The following GPC6 variants were observed in gnomAD, a reference collection of about 807,000 sequenced individuals.
GPC6 encodes glypican 6.
A neutral mutation model predicts 55.2 loss-of-function variants in GPC6; 14 were observed. The observed-to-expected ratio is 0.25, with a 90% CI of 0.17 to 0.40. The LOEUF (loss-of-function observed/expected upper bound fraction) is 0.40, where lower values mean the gene tolerates loss of function less well. Among genes scored for constraint, GPC6 ranks in the 10% least tolerant of loss-of-function variants. The probability of loss-of-function intolerance (pLI) is 1.00; values close to 1 mark genes in which losing one functional copy is unlikely to be tolerated. For missense variants in GPC6, 641 were observed against 708.5 expected, an observed-to-expected ratio of 0.90 and a Z score of 1.08; for synonymous variants, 278 against 259.6, an observed-to-expected ratio of 1.07 and a Z score of -0.68.
At chr13:94,261,774 G>A (rs2139050610) in intron 4 of GPC6, among the ~76,000 whole-genome samples, 1 of 152,326 alleles carries the variant, frequency 6.6e-6, no homozygotes, top group South Asian at 2.1e-4. Flanking sequence ...GTGACAGAGA[G>A]GACAGACACT....
At chr13:93,678,937 C>T (rs1193233967) in intron 2 of GPC6, among the ~76,000 whole-genome samples, 1 of 152,174 alleles carries the variant, frequency 6.6e-6, no homozygotes, top group African/African-American at 2.4e-5. Context: ...CATCTCTACA[C>T]TGTCTTTAAC....
At chr13:93,856,572 C>T (rs567991594) in intron 3 of GPC6, among the ~76,000 whole-genome samples, 2 of 151,682 alleles carry the variant, frequency 1.3e-5, no homozygotes, top group African/African-American at 4.8e-5. Flanking sequence ...AACTATGTCT[C>T]AATGATGCAG....
chr13:94,094,505 G>A (rs774300267), intron 4 of GPC6, among the ~76,000 whole-genome samples: 3 of 152,132 alleles, frequency 2.0e-5, no homozygotes, highest in Non-Finnish European at 4.4e-5. Context: ...GAAAGATGCA[G>A]ACATGTCTTC....
chr13:94,058,113 T>C (rs1271584421), intron 4 of GPC6, among the ~76,000 whole-genome samples: 2 of 152,194 alleles, frequency 1.3e-5, no homozygotes, highest in Non-Finnish European at 2.9e-5. Context: ...ACCTTTGCCT[T>C]TACGGAAGTA....
At chr13:93,543,533 C>T (rs963966924) in intron 1 of GPC6, among the ~76,000 whole-genome samples, 12 of 151,936 alleles carry the variant, frequency 7.9e-5, no homozygotes, top group East Asian at 1.9e-4. Context: ...ATGATGCTGG[C>T]CTCATAAAAT....
intron 2 of GPC6, among the ~76,000 whole-genome samples, chr13:93,813,798 T>C (rs1232360639): frequency 1.7e-5 from 1 of 58,910 alleles, no homozygotes; most frequent in Non-Finnish European, 3.0e-5. Flanking sequence ...ATCAAGTGTA[T>C]TTTTTTTTAA....
Position 93,670,297 on chromosome 13 carries a change from C to T in GPC6, c.319+124876C>T, listed in dbSNP as rs1927686. On this transcript the variant is annotated intron_variant, in intron 2 of 8. Transcript: ENST00000377047. ...ATGGGATTCACTATTCTGTTAGAAA[C>T]CCTTATGGGACTCAGAAAGAAGATG... 1.3e-3 allele frequency among the ~76,000 whole-genome samples: 196 copies of T among 152,270 alleles called. 1 individual carries two copies. Among genetic ancestry groups the T allele is most frequent in the African/African-American group, 4.5e-3 (187 of 41,552 alleles).
chr13:93,813,679 C>A (rs2138954841), intron 2 of GPC6, among the ~76,000 whole-genome samples: 1 of 151,884 alleles, frequency 6.6e-6, no homozygotes, highest in Admixed American at 6.6e-5. Context: ...TTGGTAACCA[C>A]AAAGTTATCT....
intron 1 of GPC6, among the ~76,000 whole-genome samples, chr13:93,345,292 T>C (rs1880388640): frequency 6.6e-6 from 1 of 152,098 alleles, no homozygotes; most frequent in Non-Finnish European, 1.5e-5. Flanking sequence ...ACAGGGTTGT[T>C]AAAAGGATTC....
chr13:94,407,625 T>C lies in GPC6; in HGVS notation c.*4408T>C, dbSNP rs1215650369. On this transcript the variant is annotated 3_prime_UTR_variant, in exon 9 of 9. Coordinates refer to ENST00000377047, the MANE Select transcript of GPC6 (RefSeq NM_005708.5). Reference sequence around the variant, plus strand: ...CTTCCCAAATGTGTATGGAAAATACTGTAGCGCTGTTCTTTTGTACTGATT... The same window carrying C: ...CTTCCCAAATGTGTATGGAAAATACCGTAGCGCTGTTCTTTTGTACTGATT... Among the ~76,000 whole-genome samples the C allele has an allele frequency of 6.6e-6, 1 of 152,206 alleles. No individual in the cohort carries two copies.
chr13:93,437,744 A>C (rs1785099335), intron 1 of GPC6, among the ~76,000 whole-genome samples: 1 of 152,216 alleles, frequency 6.6e-6, no homozygotes, highest in African/African-American at 2.4e-5. Flanking sequence ...AAGCTGTAGC[A>C]AGTTATCCAG....
At chr13:93,798,918 C>CAAAAAAAAAAAAA in intron 2 of GPC6, among the ~76,000 whole-genome samples, 1 of 86,230 alleles carries the variant, frequency 1.2e-5, no homozygotes, top group Non-Finnish European at 2.3e-5. Flanking sequence ...GACTCTGTCT[C>CAAAAAAAAAAAAA]AAAAAAAAAA....
At chr13:93,445,637 C>T (rs1482383564) in intron 1 of GPC6, among the ~76,000 whole-genome samples, 2 of 152,194 alleles carry the variant, frequency 1.3e-5, no homozygotes, top group African/African-American at 4.8e-5. Flanking sequence ...ATGCTAATTA[C>T]ACTAACTTGC....
At chr13:93,713,102 A>G (rs1292506985) in intron 2 of GPC6, among the ~76,000 whole-genome samples, 1 of 151,644 alleles carries the variant, frequency 6.6e-6, no homozygotes, top group Non-Finnish European at 1.5e-5. Context: ...TTAAACAGAA[A>G]TTAAAAACAT....
chr13:93,502,044 C>G (rs1395829551), intron 1 of GPC6, among the ~76,000 whole-genome samples: 1 of 152,058 alleles, frequency 6.6e-6, no homozygotes, highest in East Asian at 1.9e-4. Context: ...GTTTCTTCCT[C>G]AATCTAAAGT....
At chr13:93,362,488 T>G (rs190203505) in intron 1 of GPC6, among the ~76,000 whole-genome samples, 2 of 152,102 alleles carry the variant, frequency 1.3e-5, no homozygotes, top group African/African-American at 4.8e-5. Context: ...CAGGACCAAA[T>G]AACTGCAAAG....
intron 1 of GPC6, among the ~76,000 whole-genome samples, chr13:93,228,739 C>T (rs542656838): frequency 6.6e-6 from 1 of 152,298 alleles, no homozygotes; most frequent in African/African-American, 2.4e-5. Flanking sequence ...CCTTAGTGAC[C>T]TCAGATCGTC....
intron 1 of GPC6, among the ~76,000 whole-genome samples, chr13:93,489,846 ATCAGC>A (rs1306156702): frequency 6.6e-6 from 1 of 151,646 alleles, no homozygotes; most frequent in African/African-American, 2.4e-5. Flanking sequence ...GGAGTTGCTT[ATCAGC>A]TTAAGGAGAT....
At chr13:93,854,214 A>G (rs946228219) in intron 3 of GPC6, among the ~76,000 whole-genome samples, 2 of 151,716 alleles carry the variant, frequency 1.3e-5, no homozygotes, top group African/African-American at 2.4e-5. Flanking sequence ...GGTCTCTTTC[A>G]TAAACACTGA....
Sources: gnomAD v4.1 joint callset for allele counts (sites outside exome capture counted in the v4.1 genomes callset) on GRCh38, gnomAD v4.1.1 for gene constraint, MANE v1.5 for transcripts, NCBI Gene and HGNC (gene_info 2026-07-23, HGNC 2026-07-21) for gene names.